FAM120A: variants seen among roughly 807,000 people sequenced by gnomAD.
FAM120A encodes the protein constitutive coactivator of PPAR-gamma-like protein 1.
A neutral mutation model predicts 109.7 loss-of-function variants in FAM120A; 15 were observed. The observed-to-expected ratio is 0.14, with a 90% CI of 0.09 to 0.21. FAM120A has a LOEUF of 0.21. FAM120A is among the 10% of genes least tolerant of loss of function. FAM120A has a pLI of 1.00. For missense variants in FAM120A, 899 were observed against 1,439.3 expected (o/e 0.62, Z 6.07); for synonymous variants, 493 against 572.8 (o/e 0.86, Z 1.99).
chr9:93,486,410 T>G (rs1039617141), intron 3 of FAM120A, among the ~76,000 whole-genome samples: 3 of 152,212 alleles, frequency 2.0e-5, no homozygotes, highest in Non-Finnish European at 2.9e-5. Flanking sequence ...GCTATGAACA[T>G]TTGTGTATAA....
At chr9:93,492,225 A>T (rs1218682646) in intron 3 of FAM120A, among the ~76,000 whole-genome samples, 2 of 152,164 alleles carry the variant, frequency 1.3e-5, no homozygotes, top group Non-Finnish European at 2.9e-5. Flanking sequence ...GATAGATAGC[A>T]TATAAATTAA....
rs772894920 is a variant in FAM120A at position 93,543,322 on chromosome 9, C to A, written c.2010C>A (p.Pro670=). 4 of 1,614,092 alleles carry A rather than the reference C, an allele frequency of 2.5e-6. No individual in the cohort carries two copies. The African/African-American group carries it at 4.0e-5, about 16-fold the overall frequency. ...EALAFREWTC[P]NLKRLWLGKA... ...TTGCCTTCAGGGAGTGGACCTGCCC[C>A]AACCTGAAGAGGCTGTGGTTGGGTA... is the stretch of plus-strand genomic sequence containing the variant. Residue 670 remains proline, a synonymous_variant, in exon 11 of 18, where the codon CCC becomes CCA. Coordinates refer to ENST00000277165, the MANE Select transcript of FAM120A (RefSeq NM_014612.5).
In FAM120A at chr9:93,454,292, C is replaced by CA. The variant is rs574954263; in HGVS notation, c.474+1905dup. 2.9e-3 allele frequency among the ~76,000 whole-genome samples: 440 copies of CA among 152,268 alleles called. 2 individuals are homozygous for CA. The highest frequency in any genetic ancestry group is 6.8e-3 in the Middle Eastern group (2 of 294). On this transcript the variant is annotated intron_variant, in intron 1 of 17. Transcript: ENST00000277165. ...GCACAAAATGAATATTGTAATAACT[C>CA]AATTACTTGGTGGTCTCTTAGCTGG...
chr9:93,564,176 T>G, intron 17 of FAM120A, 53 bp from the exon 18 acceptor site: 1 of 1,557,668 alleles, frequency 6.4e-7, no homozygotes, highest in Non-Finnish European at 8.7e-7. Flanking sequence ...GCATCCTCTC[T>G]CTTCTGTTTA....
At chr9:93,455,060 TTTTG>T (rs1857491527) in intron 1 of FAM120A, among the ~76,000 whole-genome samples, 1 of 152,236 alleles carries the variant, frequency 6.6e-6, no homozygotes, top group African/African-American at 2.4e-5. Flanking sequence ...TAATGAAGAC[TTTTG>T]TTTGTGCAAA....
At chr9:93,502,064 A>G (rs1013532542) in intron 5 of FAM120A, among the ~76,000 whole-genome samples, 1 of 152,210 alleles carries the variant, frequency 6.6e-6, no homozygotes, top group Non-Finnish European at 1.5e-5. Context: ...GATAGGTCCT[A>G]AGTGGTCTTT....
At chr9:93,554,118 G>GACACACACACAC (rs1198300929) in intron 12 of FAM120A, among the ~76,000 whole-genome samples, 1 of 30,426 alleles carries the variant, frequency 3.3e-5, no homozygotes, top group African/African-American at 1.0e-4. Flanking sequence ...AAGGCCATTT[G>GACACACACACAC]ATACACACAC....
At chr9:93,494,281 T>A (rs1588838453) in intron 3 of FAM120A, among the ~76,000 whole-genome samples, 2 of 152,358 alleles carry the variant, frequency 1.3e-5, no homozygotes, top group Admixed American at 1.3e-4. Context: ...TGCTTCAATC[T>A]TTCCTTCAGG....
At chr9:93,499,922 G>A (rs947098195) in intron 5 of FAM120A, among the ~76,000 whole-genome samples, 2 of 152,224 alleles carry the variant, frequency 1.3e-5, no homozygotes, top group African/African-American at 4.8e-5. Flanking sequence ...CTAGGAACTG[G>A]GCATTGGAGA....
chr9:93,538,953 G>C (rs1861609319), intron 10 of FAM120A, among the ~76,000 whole-genome samples: 1 of 151,750 alleles, frequency 6.6e-6, no homozygotes, highest in Non-Finnish European at 1.5e-5. Context: ...TTTCTGTAAG[G>C]AAAATGCGTT....
intron 1 of FAM120A, among the ~76,000 whole-genome samples, chr9:93,470,607 G>T (rs986249738): frequency 6.6e-6 from 1 of 152,176 alleles, no homozygotes; most frequent in Non-Finnish European, 1.5e-5. Flanking sequence ...GTCTCCACGT[G>T]TGGGAGGCCT....
intron 2 of FAM120A, among the ~76,000 whole-genome samples, chr9:93,475,607 C>G (rs775744156): frequency 5.3e-5 from 8 of 152,110 alleles, no homozygotes; most frequent in Non-Finnish European, 8.8e-5. Flanking sequence ...AGTATTACCC[C>G]CAAATATAGT....
intron 11 of FAM120A, among the ~76,000 whole-genome samples, chr9:93,547,825 C>G (rs1861943175): frequency 6.6e-6 from 1 of 152,214 alleles, no homozygotes; most frequent in East Asian, 1.9e-4. Flanking sequence ...TATCTTGACT[C>G]TTAACCAGGA....
Position 93,513,720 on chromosome 9 carries a change from G to C in FAM120A, c.1031-1947G>C, listed in dbSNP as rs535675698. ...CTGTAAGATTCCTGGTCGTTCTCTG[G>C]GGGGAGTCAACAATGATCTGTGCTT... On this transcript the variant is annotated intron_variant, in intron 5 of 17. Coordinates refer to ENST00000277165, the MANE Select transcript of FAM120A (RefSeq NM_014612.5). Among the ~76,000 whole-genome samples, 19 of 152,232 alleles carry C rather than the reference G, an allele frequency of 1.2e-4. No homozygotes were observed. In the East Asian group the frequency reaches 2.9e-3, roughly 23 times the overall value.
chr9:93,484,484 T>G (rs1053085724), intron 3 of FAM120A, among the ~76,000 whole-genome samples: 4 of 152,180 alleles, frequency 2.6e-5, no homozygotes, highest in Non-Finnish European at 5.9e-5. Flanking sequence ...ACCGTGTTGG[T>G]AGTGCTGGCA....
intron 11 of FAM120A, among the ~76,000 whole-genome samples, chr9:93,543,975 T>C (rs1861797276): frequency 6.6e-6 from 1 of 152,186 alleles, no homozygotes; most frequent in Non-Finnish European, 1.5e-5. Flanking sequence ...TATTTGTGTA[T>C]CTAAATGTGA....
Position 93,558,745 on chromosome 9 carries a change from C to T in FAM120A, c.2806+27C>T, listed in dbSNP as rs767041118. 1.3e-5 allele frequency: 21 copies of T among 1,608,782 alleles called. No homozygotes were observed. The East Asian group carries it at 4.5e-4, about 34-fold the overall frequency. ...TAATTATACCCACCCCTTCCCAGAG[C>T]TTCTGCCTGCCAGCACTTCCTTCGC... On this transcript the variant is annotated intron_variant, in intron 15 of 17. Coordinates refer to ENST00000277165, the MANE Select transcript of FAM120A (RefSeq NM_014612.5).
chr9:93,502,119 A>G (rs1859829179), intron 5 of FAM120A, among the ~76,000 whole-genome samples: 1 of 152,220 alleles, frequency 6.6e-6, no homozygotes, highest in South Asian at 2.1e-4. Context: ...ATATTATTCT[A>G]CAGGAAAATA....
Position 93,497,511 on chromosome 9 carries a change from T to C in FAM120A, c.845T>C (p.Val282Ala). 6.2e-7 allele frequency: 1 copy of C among 1,613,618 alleles called. No individual in the cohort carries two copies. Among genetic ancestry groups the C allele is most frequent in the Non-Finnish European group, 8.5e-7 (1 of 1,179,834 alleles). The change falls in exon 4 of 18, where the codon GTG becomes GCG. Residue 282 changes from valine to alanine, a missense_variant. Around this residue, in one of 11 missense-constraint regions of FAM120A, gnomAD observed 258 missense variants for 451.4 expected, o/e 0.57. Coordinates refer to ENST00000277165, the MANE Select transcript of FAM120A (RefSeq NM_014612.5). ...HQLVLPPCDV[V>A]IKAVADYVRN... ...CTGGTCTTGCCACCTTGCGACGTAG[T>C]GATCAAAGCCGTTGCTGACTATGTA...
Sources: allele counts gnomAD v4.1 joint callset (sites outside exome capture counted in the v4.1 genomes callset), GRCh38; gene constraint gnomAD v4.1.1; regional missense constraint gnomAD v4.1.1; transcripts MANE v1.5; gene names NCBI Gene and HGNC (gene_info 2026-07-23, HGNC 2026-07-21).